KLC1: variants seen among roughly 807,000 people sequenced by gnomAD.
KLC1 encodes the protein kinesin 2 60/70kDa.
In KLC1, 30 loss-of-function variants were observed where a neutral mutation model predicts 84.2. That is an observed-to-expected ratio of 0.36 (90% CI 0.27 to 0.48). KLC1 has a LOEUF of 0.48. Among genes scored for constraint, KLC1 ranks in the 20% least tolerant of loss-of-function variants. The probability of loss-of-function intolerance (pLI) is 0.99; values close to 1 mark genes in which losing one functional copy is unlikely to be tolerated. For synonymous variants in KLC1, 289 were observed against 293.3 expected (o/e 0.99, Z 0.15); for missense variants, 499 against 805.4 (o/e 0.62, Z 4.60).
intron 14 of KLC1, chr14:103,687,897 G>C (rs1277437207): frequency 6.6e-6 from 1 of 152,200 alleles, no homozygotes; most frequent in South Asian, 2.1e-4. Flanking sequence ...TCACCTCTGG[G>C]CAGCTGCTCC....
intron 14 of KLC1, among the ~76,000 whole-genome samples, chr14:103,689,608 A>C (rs861545): frequency 2.0e-5 from 3 of 151,962 alleles, no homozygotes; most frequent in African/African-American, 7.3e-5. Flanking sequence ...TGAGTTTCCA[A>C]TTCCTGAGTC....
In KLC1 at chr14:103,657,588, G is replaced by A. The variant is rs1250804986; in HGVS notation, c.304G>A (p.Glu102Lys). The change falls in exon 3 of 17, where the codon GAG becomes AAG. Residue 102 changes from glutamate to lysine, a missense_variant. Physicochemically the swap from Glu to Lys is moderately conservative, Grantham distance 56 (BLOSUM62 1). Coordinates refer to ENST00000334553, the MANE Select transcript of KLC1 (RefSeq NM_001394837.1). ...LSNHLNAVES[E>K]KQKLRAQVRR... ...AAATCACCTGAATGCTGTGGAGTCC[G>A]AGAAGCAGAAACTGCGTGCGCAGGT... The A allele has an allele frequency of 1.2e-6, 2 of 1,614,178 alleles. No homozygotes were observed. Among genetic ancestry groups the A allele is most frequent in the Non-Finnish European group, 1.7e-6 (2 of 1,180,038 alleles).
At chr14:103,690,512 C>T (rs1339435873) in intron 14 of KLC1, among the ~76,000 whole-genome samples, 1 of 152,236 alleles carries the variant, frequency 6.6e-6, no homozygotes, top group Non-Finnish European at 1.5e-5. Context: ...GGTGGGTGCC[C>T]TGGGCTTTCA....
At chr14:103,651,270 A>G (rs372498215) in intron 1 of KLC1, among the ~76,000 whole-genome samples, 1 of 152,182 alleles carries the variant, frequency 6.6e-6, no homozygotes, top group Non-Finnish European at 1.5e-5. Flanking sequence ...GGCCTCCCAG[A>G]GTGCTAGGAT....
chr14:103,658,261 T>A (rs2078970964), intron 3 of KLC1, among the ~76,000 whole-genome samples: 1 of 151,740 alleles, frequency 6.6e-6, no homozygotes. Flanking sequence ...ATCTTGGTTT[T>A]CTTCTTCTTC....
At chr14:103,696,924 G>A in intron 15 of KLC1, 1 of 985,364 alleles carries the variant, frequency 1.0e-6, no homozygotes, top group East Asian at 1.1e-4. Flanking sequence ...GCAGACTCCT[G>A]TGGTGGGAGT....
intron 3 of KLC1, among the ~76,000 whole-genome samples, chr14:103,661,042 C>T (rs971461915): frequency 2.6e-5 from 4 of 152,140 alleles, no homozygotes; most frequent in Admixed American, 6.6e-5. Flanking sequence ...AGAGTACTTA[C>T]GAGTGCCTGT....
chr14:103,662,567 C>T, intron 4 of KLC1, 135 bp from the exon 5 acceptor site: 1 of 691,818 alleles, frequency 1.4e-6, no homozygotes, highest in Middle Eastern at 4.1e-4. Context: ...CCAGACAGTA[C>T]TAGGAAAAGA....
At chr14:103,698,246 C>T in intron 15 of KLC1, 2 of 177,744 alleles carry the variant, frequency 1.1e-5, no homozygotes, top group South Asian at 1.3e-4. Context: ...CAGTGTGTGC[C>T]GAGGTGGGGC....
At chr14:103,669,439 AAAG>A in intron 5 of KLC1, 69 bp from the exon 6 acceptor site, 1 of 914,686 alleles carries the variant, frequency 1.1e-6, no homozygotes, top group Admixed American at 2.1e-5. Flanking sequence ...GTCTAAAAAA[AAAG>A]AAAAGAAAAG....
chr14:103,662,320 C>G, intron 4 of KLC1, 126 bp downstream of exon 4: 2 of 802,988 alleles, frequency 2.5e-6, no homozygotes, highest in East Asian at 4.9e-5. Context: ...ACCACCAGAG[C>G]GGGGTTGCCT....
At chr14:103,657,508 A>C (rs755937513) in intron 2 of KLC1, 38 bp from the exon 3 acceptor site, 63 of 1,553,462 alleles carry the variant, frequency 4.1e-5, no homozygotes, top group Non-Finnish European at 5.5e-5. Context: ...CTTGCTGGAC[A>C]ACGTGCCACA....
chr14:103,684,399 G>C (rs1301639492), intron 13 of KLC1, among the ~76,000 whole-genome samples: 1 of 152,226 alleles, frequency 6.6e-6, no homozygotes, highest in African/African-American at 2.4e-5. Flanking sequence ...TTAGAATGCA[G>C]TGAATCCTCC....
intron 14 of KLC1, among the ~76,000 whole-genome samples, chr14:103,690,197 T>C (rs1180262661): frequency 6.6e-6 from 1 of 151,938 alleles, no homozygotes; most frequent in Non-Finnish European, 1.5e-5. Flanking sequence ...AAAAAAAAGT[T>C]AATGGCCACT....
intron 14 of KLC1, 66 bp downstream of exon 14, chr14:103,687,277 C>G (rs180870466): frequency 1.4e-6 from 2 of 1,436,352 alleles, no homozygotes. Flanking sequence ...CTCTTCCTAG[C>G]GCAGCCTTCC....
At chr14:103,674,710 C>T (rs768999195) in intron 9 of KLC1, among the ~76,000 whole-genome samples, 8 of 152,138 alleles carry the variant, frequency 5.3e-5, no homozygotes, top group South Asian at 2.1e-4. Flanking sequence ...CCACTGCACC[C>T]GGCCTTGATT....
intron 13 of KLC1, among the ~76,000 whole-genome samples, chr14:103,680,060 C>T (rs570147162): frequency 4.6e-5 from 7 of 152,316 alleles, no homozygotes; most frequent in African/African-American, 9.6e-5. Flanking sequence ...CAGTCCTGAG[C>T]GTCCTGCATT....
rs1351387172 is a variant in KLC1 at position 103,694,354 on chromosome 14, C to A, written c.1848+1929C>A. 1 of 931,226 alleles carries A rather than the reference C, an allele frequency of 1.1e-6. No homozygotes were observed. The highest frequency in any genetic ancestry group is 1.3e-6 in the Non-Finnish European group (1 of 781,026). The allele number at this position is 931,226 out of a possible 1,614,324, so 57.7% of individuals were successfully genotyped here. A position where few individuals can be genotyped will look rare whatever the true frequency, so the allele number is the denominator to read the frequency against. ...GCAAGCTCCACCTCCTGGGTTCACGCCATTCTCCTGCCTCAGCCTCCCGAG... is the reference window on the plus strand; with the variant it reads ...GCAAGCTCCACCTCCTGGGTTCACGACATTCTCCTGCCTCAGCCTCCCGAG... On this transcript the variant is annotated intron_variant, in intron 15 of 16. Transcript: ENST00000334553. This position sits in a 1 kb window ranked among gnomAD's most constrained non-coding sequence, Gnocchi z 4.5.
intron 2 of KLC1, among the ~76,000 whole-genome samples, chr14:103,655,588 T>C (rs2078771907): frequency 6.7e-6 from 1 of 150,180 alleles, no homozygotes; most frequent in African/African-American, 2.4e-5. Context: ...CGAGCCACCA[T>C]GCCCGGCCTC....
Sources: allele counts gnomAD v4.1 joint callset (sites outside exome capture counted in the v4.1 genomes callset), GRCh38; gene constraint gnomAD v4.1.1; non-coding constraint Gnocchi (gnomAD v3.1); transcripts MANE v1.5; gene names NCBI Gene and HGNC (gene_info 2026-07-23, HGNC 2026-07-21).